ATF6: variants seen among roughly 807,000 people sequenced by gnomAD.
ATF6 encodes cyclic AMP-dependent transcription factor ATF-6 alpha.
In ATF6, 53 loss-of-function variants were observed where a neutral mutation model predicts 83.6. The ratio of observed to expected loss-of-function variants is 0.63; its 90% CI spans 0.51 to 0.80. The LOEUF is 0.80. Among genes scored for constraint, ATF6 ranks in the 30% least tolerant of loss-of-function variants. The pLI, the probability that ATF6 is intolerant of heterozygous loss-of-function variation, is 0.00. For missense variants in ATF6, 744 were observed against 797.9 expected, an observed-to-expected ratio of 0.93 and a Z score of 0.81; for synonymous variants, 288 against 285.8, an observed-to-expected ratio of 1.01 and a Z score of -0.08.
At chr1:161,787,714 G>A (rs943004652) in intron 4 of ATF6, among the ~76,000 whole-genome samples, 27 of 151,906 alleles carry the variant, frequency 1.8e-4, no homozygotes, top group Admixed American at 1.6e-3. Flanking sequence ...TTTAGATCTC[G>A]GATCCATTTG....
chr1:161,856,726 T>G (rs1686773372), intron 12 of ATF6, among the ~76,000 whole-genome samples: 1 of 152,214 alleles, frequency 6.6e-6, no homozygotes. Flanking sequence ...AAATGCTTTT[T>G]TTTTGGCCTT....
In ATF6 at chr1:161,961,622, A is replaced by G. The variant is rs1027409133; in HGVS notation, c.*2968A>G. The G allele has an allele frequency of 6.6e-6, 1 of 151,372 alleles. No individual in the cohort carries two copies. The highest frequency in any genetic ancestry group is 1.5e-5 in the Non-Finnish European group (1 of 67,942). 9.4% of individuals were successfully genotyped at this position (151,372 alleles called of 1,614,324 possible). ...TGCCTTTTGGGGGTTGCAGCCAGAAATTGTGGGTAATGTGTGTATTTTTTT... is the reference window on the plus strand; with the variant it reads ...TGCCTTTTGGGGGTTGCAGCCAGAAGTTGTGGGTAATGTGTGTATTTTTTT... On this transcript the variant is annotated 3_prime_UTR_variant, in exon 16 of 16. Coordinates refer to ENST00000367942, the MANE Select transcript of ATF6 (RefSeq NM_007348.4).
chr1:161,819,068 A>G (rs774077759), intron 7 of ATF6, among the ~76,000 whole-genome samples: 2 of 152,212 alleles, frequency 1.3e-5, no homozygotes, highest in Non-Finnish European at 1.5e-5. Context: ...GGTCATTAGT[A>G]TATACTTTTA....
At chr1:161,812,518 A>G (rs1685500090) in intron 7 of ATF6, among the ~76,000 whole-genome samples, 1 of 147,314 alleles carries the variant, frequency 6.8e-6, no homozygotes, top group African/African-American at 2.5e-5. Context: ...TCAGCCTCCC[A>G]AGTAGCTGGG....
At chr1:161,853,153 C>T in intron 11 of ATF6, 71 bp from the exon 12 acceptor site, 1 of 1,105,046 alleles carries the variant, frequency 9.0e-7, no homozygotes, top group Non-Finnish European at 1.3e-6. Flanking sequence ...TCATTTCCAC[C>T]CACAGGGTGA....
chr1:161,785,337 G>C lies in ATF6; in HGVS notation c.354+1241G>C, dbSNP rs1278787253. On this transcript the variant is annotated intron_variant, in intron 4 of 15. Transcript: ENST00000367942. ...TACTTCCTTTATGAAGCTTTTCTCT[G>C]ATTGCTGCTATTGGTAGCTCTCTGA... Among the ~76,000 whole-genome samples, 5 of 152,128 alleles carry C rather than the reference G, an allele frequency of 3.3e-5. No individual in the cohort carries two copies. The East Asian group carries it at 9.7e-4, about 29-fold the overall frequency.
chr1:161,827,662 A>T (rs1392265498), intron 9 of ATF6, among the ~76,000 whole-genome samples: 1 of 151,566 alleles, frequency 6.6e-6, no homozygotes, highest in African/African-American at 2.4e-5. Flanking sequence ...AAAAAAAAAT[A>T]AAACACACAA....
At chr1:161,926,733 T>C (rs1284850774) in intron 15 of ATF6, among the ~76,000 whole-genome samples, 1 of 152,026 alleles carries the variant, frequency 6.6e-6, no homozygotes, top group Non-Finnish European at 1.5e-5. Flanking sequence ...ATGCTGCTTG[T>C]CAAAGAATGT....
chr1:161,796,457 C>T (rs1685023820), intron 6 of ATF6, among the ~76,000 whole-genome samples: 1 of 152,094 alleles, frequency 6.6e-6, no homozygotes, highest in Non-Finnish European at 1.5e-5. Flanking sequence ...ATTGTGGACC[C>T]TGGGATGTGG....
chr1:161,783,970 C>T lies in ATF6; in HGVS notation c.248-20C>T, dbSNP rs1300905326. ...GTTTTTATTGTCCAGTGGGTAAAAC[C>T]TTTCCTCCATGTTTTCCAGTTAAAG... On this transcript the variant is annotated intron_variant, in intron 3 of 15. Coordinates refer to ENST00000367942, the MANE Select transcript of ATF6 (RefSeq NM_007348.4). 10 of 1,518,824 alleles carry T rather than the reference C, an allele frequency of 6.6e-6. No individual in the cohort carries two copies. The highest frequency in any genetic ancestry group is 9.1e-6 in the Non-Finnish European group (10 of 1,095,778). The allele number at this position is 1,518,824 out of a possible 1,614,324, so 94.1% of individuals were successfully genotyped here. A position where few individuals can be genotyped will look rare whatever the true frequency, so the allele number is the denominator to read the frequency against.
At chr1:161,818,313 C>G (rs1384989887) in intron 7 of ATF6, among the ~76,000 whole-genome samples, 1 of 152,046 alleles carries the variant, frequency 6.6e-6, no homozygotes, top group Non-Finnish European at 1.5e-5. Flanking sequence ...TCTCACTTCC[C>G]CAAAGAAATT....
intron 9 of ATF6, among the ~76,000 whole-genome samples, chr1:161,836,986 G>C (rs561133759): frequency 6.6e-6 from 1 of 152,190 alleles, no homozygotes; most frequent in Non-Finnish European, 1.5e-5. Context: ...ATGTTCTTCA[G>C]ACCATACATC....
At chr1:161,942,701 A>C (rs975924846) in intron 15 of ATF6, among the ~76,000 whole-genome samples, 1 of 152,238 alleles carries the variant, frequency 6.6e-6, no homozygotes, top group Non-Finnish European at 1.5e-5. Context: ...GCAAGTCACT[A>C]ATCAATGTGA....
chr1:161,766,336 G>A lies in ATF6; in HGVS notation c.-25G>A. ...CGCCGTCCCAGATATTAATCACGGA[G>A]TTCCAGGGAGAAGGAACTTGTGAAA... is the stretch of plus-strand genomic sequence containing the variant. On this transcript the variant is annotated 5_prime_UTR_variant, in exon 1 of 16. Transcript: ENST00000367942. The A allele has an allele frequency of 1.2e-6, 2 of 1,610,194 alleles. No homozygotes were observed. Among genetic ancestry groups the A allele is most frequent in the East Asian group, 2.2e-5 (1 of 44,860 alleles).
intron 7 of ATF6, among the ~76,000 whole-genome samples, chr1:161,812,366 ATTTTCTTTTTTTTTT>A (rs1685492579): frequency 2.7e-5 from 1 of 37,536 alleles, no homozygotes; most frequent in African/African-American, 8.6e-5. Flanking sequence ...GGGAGCAGGT[ATTTTCTTTTTTTTTT>A]TTTTTTTTTT....
At chr1:161,806,864 C>T (rs1557970639) in intron 7 of ATF6, among the ~76,000 whole-genome samples, 2 of 152,128 alleles carry the variant, frequency 1.3e-5, no homozygotes, top group African/African-American at 2.4e-5. Context: ...TATTTCCTTT[C>T]TCTAGAATTG....
chr1:161,949,253 T>C (rs1400716381), intron 15 of ATF6, among the ~76,000 whole-genome samples: 1 of 152,192 alleles, frequency 6.6e-6, no homozygotes, highest in Admixed American at 6.5e-5. Context: ...AATATATTTA[T>C]TGAGTGCCTT....
At chr1:161,901,106 A>G (rs1258462452) in intron 14 of ATF6, among the ~76,000 whole-genome samples, 1 of 152,154 alleles carries the variant, frequency 6.6e-6, no homozygotes, top group East Asian at 1.9e-4. Flanking sequence ...TCTGTCATAC[A>G]TATGAAATAT....
At chr1:161,814,794 GT>G (rs1189918511) in intron 7 of ATF6, among the ~76,000 whole-genome samples, 14 of 152,206 alleles carry the variant, frequency 9.2e-5, no homozygotes, top group African/African-American at 3.4e-4. Context: ...ATCAAATTAA[GT>G]TTTTTAATGT....
Sources: allele counts gnomAD v4.1 joint callset (sites outside exome capture counted in the v4.1 genomes callset), GRCh38; gene constraint gnomAD v4.1.1; transcripts MANE v1.5; gene names NCBI Gene and HGNC (gene_info 2026-07-23, HGNC 2026-07-21).